MYO10: variants seen among roughly 807,000 people sequenced by gnomAD.
The protein encoded by MYO10 is myosin X.
A neutral mutation model predicts 257.3 loss-of-function variants in MYO10; 133 were observed. The observed-to-expected ratio is 0.52, with a 90% CI of 0.45 to 0.60. The LOEUF (loss-of-function observed/expected upper bound fraction) is 0.60. Ranked by LOEUF, MYO10 falls within the 20% of genes least tolerant of loss-of-function variation. The pLI is 0.00. For synonymous variants in MYO10, 1,104 were observed against 1,028.6 expected (o/e 1.07, Z -1.40); for missense variants, 2,399 against 2,635.7 (o/e 0.91, Z 1.97).
In MYO10 at chr5:16,781,845, G is replaced by T; in HGVS notation, c.603-16C>A. ...CATGATGGGGCTGTGAAGACAGTGA[G>T]GGCAGCAGACAGCATTAATAAGGGT... On this transcript the variant is annotated splice_polypyrimidine_tract_variant and intron_variant, in intron 5 of 40. Transcript: ENST00000513610. 1 of 1,613,608 alleles carries T rather than the reference G, an allele frequency of 6.2e-7. No individual in the cohort carries two copies. The highest frequency in any genetic ancestry group is 8.5e-7 in the Non-Finnish European group (1 of 1,179,736).
intron 1 of MYO10, chr5:16,916,006 A>G: frequency 2.2e-6 from 1 of 455,472 alleles, no homozygotes; most frequent in Non-Finnish European, 4.4e-6. Flanking sequence ...CTTATCCTGA[A>G]TCTGAATTAA....
At chr5:16,693,160 C>T (rs1470082218) in intron 27 of MYO10, among the ~76,000 whole-genome samples, 1 of 152,100 alleles carries the variant, frequency 6.6e-6, no homozygotes, top group African/African-American at 2.4e-5. Flanking sequence ...CCCAACAACT[C>T]GGGAGGCTGA....
intron 19 of MYO10, among the ~76,000 whole-genome samples, chr5:16,723,750 G>A (rs539804355): frequency 3.3e-5 from 5 of 152,270 alleles, no homozygotes; most frequent in Non-Finnish European, 5.9e-5. Flanking sequence ...AAGAAACTAC[G>A]GTATATCCAT....
chr5:16,865,826 A>AATAATAATAATAATAATC (rs1744229353), intron 2 of MYO10, among the ~76,000 whole-genome samples: 1 of 150,998 alleles, frequency 6.6e-6, no homozygotes, highest in Non-Finnish European at 1.5e-5. Context: ...TAATAATAAT[A>AATAATAATAATAATAATC]ATAATAATAG....
intron 19 of MYO10, among the ~76,000 whole-genome samples, chr5:16,726,234 C>T (rs931910552): frequency 5.3e-5 from 8 of 152,306 alleles, no homozygotes; most frequent in Non-Finnish European, 1.0e-4. Context: ...ATCAAGTCAG[C>T]ATGGTTCCAT....
Position 16,704,579 on chromosome 5 carries a change from C to T in MYO10, c.2276G>A (p.Arg759Gln), listed in dbSNP as rs751495829. 9.3e-6 allele frequency: 15 copies of T among 1,613,270 alleles called. No homozygotes were observed. Among genetic ancestry groups the T allele is most frequent in the Admixed American group, 3.3e-5 (2 of 59,980 alleles). ...IRAHVLGFLA[R>Q]KQYRKVLYCV... ...TATCCCCTCAGCGTGGGGTTCTTAC[C>T]GTGCTAAGAAGCCCAAGACATGGGC... Residue 759 changes from arginine (R) to glutamine (Q), a missense_variant and splice_region_variant, in exon 22 of 41, where the codon CGA (arginine) becomes CAA (glutamine). Transcript: ENST00000513610.
At chr5:16,695,006 T>C (rs992788278) in intron 26 of MYO10, among the ~76,000 whole-genome samples, 1 of 152,234 alleles carries the variant, frequency 6.6e-6, no homozygotes, top group Non-Finnish European at 1.5e-5. Flanking sequence ...GGGAAAATTA[T>C]TTTAACATGG....
At chr5:16,683,805 G>C (rs1737116416) in intron 30 of MYO10, 75 bp downstream of exon 30, 33 of 1,468,738 alleles carry the variant, frequency 2.2e-5, no homozygotes, top group Non-Finnish European at 3.1e-5. Context: ...AGAGGGTCGT[G>C]ACCCAGCAGC....
intron 4 of MYO10, among the ~76,000 whole-genome samples, chr5:16,788,630 A>G (rs1485325746): frequency 2.6e-5 from 4 of 152,032 alleles, no homozygotes; most frequent in Non-Finnish European, 5.9e-5. Flanking sequence ...CTGGGACTCA[A>G]ATGAGAAGTT....
chr5:16,926,172 A>T (rs911006655), intron 1 of MYO10, among the ~76,000 whole-genome samples: 4 of 152,174 alleles, frequency 2.6e-5, no homozygotes, highest in African/African-American at 4.8e-5. Context: ...AACAATAAAT[A>T]TTTTTTTCAA....
At chr5:16,670,166 T>C (rs1736375656) in intron 39 of MYO10, among the ~76,000 whole-genome samples, 1 of 152,186 alleles carries the variant, frequency 6.6e-6, no homozygotes, top group Admixed American at 6.5e-5. Context: ...AAAAACAAAG[T>C]AAAATGCAAG....
chr5:16,930,788 C>T (rs1418386938), intron 1 of MYO10, among the ~76,000 whole-genome samples: 2 of 152,212 alleles, frequency 1.3e-5, no homozygotes, highest in African/African-American at 4.8e-5. Context: ...GCTGAGATCC[C>T]ATCGGAGGGA....
chr5:16,800,212 G>C (rs893937183), intron 3 of MYO10, among the ~76,000 whole-genome samples: 1 of 152,020 alleles, frequency 6.6e-6, no homozygotes, highest in Non-Finnish European at 1.5e-5. Context: ...AGTCAGCCTA[G>C]TGAGTTACCA....
Position 16,711,210 on chromosome 5 carries a change from G to T in MYO10, c.1965C>A (p.Asn655Lys). 6.2e-7 allele frequency: 1 copy of T among 1,613,150 alleles called. No individual in the cohort carries two copies. The highest frequency in any genetic ancestry group is 8.5e-7 in the Non-Finnish European group (1 of 1,179,554). Residue 655 changes from asparagine (N) to lysine (K), a missense_variant, in exon 20 of 41, where the codon AAC (asparagine) becomes AAA (lysine). Asn to Lys is a moderately conservative substitution (Grantham distance 94). Around this residue, in one of 3 missense-constraint regions of MYO10, gnomAD observed 1,820 missense variants for 1,939.4 expected, o/e 0.94. Coordinates refer to ENST00000513610, the MANE Select transcript of MYO10 (RefSeq NM_012334.3). ...PDQFDQAVVL[N>K]QLRYSGMLET... ...CCAGCATCCCTGAGTACCGCAGCTG[G>T]TTCAGCACAACCGCCTGGTCAAACT...
At chr5:16,771,726 C>T (rs1169023580) in intron 9 of MYO10, among the ~76,000 whole-genome samples, 1 of 151,340 alleles carries the variant, frequency 6.6e-6, no homozygotes, top group African/African-American at 2.4e-5. Context: ...ACAACAGGTG[C>T]ACACCAACAC....
intron 2 of MYO10, among the ~76,000 whole-genome samples, chr5:16,869,189 T>A (rs551682731): frequency 9.7e-6 from 1 of 103,102 alleles, no homozygotes. Context: ...CACACCCGGC[T>A]AATTTTTTTT....
At chr5:16,897,218 TA>T (rs986375438) in intron 1 of MYO10, among the ~76,000 whole-genome samples, 36 of 151,446 alleles carry the variant, frequency 2.4e-4, no homozygotes, top group African/African-American at 8.7e-4. Flanking sequence ...AGATACCATT[TA>T]AAAATTATTT....
chr5:16,825,520 C>T (rs1235852763), intron 2 of MYO10, among the ~76,000 whole-genome samples: 1 of 152,166 alleles, frequency 6.6e-6, no homozygotes, highest in Admixed American at 6.6e-5. Context: ...ATTTTATATC[C>T]TATTTCATTT....
chr5:16,905,519 C>T (rs143210263), intron 1 of MYO10, among the ~76,000 whole-genome samples: 23 of 152,234 alleles, frequency 1.5e-4, no homozygotes, highest in Non-Finnish European at 1.8e-4. Context: ...CTCACCCTCC[C>T]GTCCTGCAGG....
Sources: gnomAD v4.1 joint callset for allele counts (sites outside exome capture counted in the v4.1 genomes callset) on GRCh38, gnomAD v4.1.1 for gene constraint, gnomAD v4.1.1 regional missense constraint, MANE v1.5 for transcripts, NCBI Gene and HGNC (gene_info 2026-07-23, HGNC 2026-07-21) for gene names.